The following PTPRH variants were observed in gnomAD, a reference collection of about 807,000 sequenced individuals.
PTPRH encodes the protein protein tyrosine phosphatase receptor type H, also known as receptor-type tyrosine-protein phosphatase H.
In PTPRH, 113 loss-of-function variants were observed where a neutral mutation model predicts 130.2. That is an observed-to-expected ratio of 0.87 (90% CI 0.75 to 1.01). The LOEUF (loss-of-function observed/expected upper bound fraction) is 1.01. Ranked by LOEUF, PTPRH falls within the 50% of genes least tolerant of loss-of-function variation. The pLI is 0.00. For synonymous variants in PTPRH, 556 were observed against 577.9 expected (o/e 0.96, Z 0.54); for missense variants, 1,430 against 1,425.0 (o/e 1.00, Z -0.06).
In PTPRH at chr19:55,188,092, CA is replaced by C; in HGVS notation, c.2460del (p.Phe820LeufsTer44). The C allele has an allele frequency of 6.2e-7, 1 of 1,614,112 alleles. No homozygotes were observed. The highest frequency in any genetic ancestry group is 1.3e-5 in the African/African-American group (1 of 75,046). On this transcript the variant is annotated frameshift_variant, in exon 13 of 20. Transcript: ENST00000376350. ...RKNERDSNCG[F>X]ADEYQQLSLV... ...CCTCTCCCCACCTGGTACTCGTCTG[CA>C]AAACCACAGTTGCTGTCCCTCTCAT...
At chr19:55,196,200 C>T (rs963491476) in intron 10 of PTPRH, among the ~76,000 whole-genome samples, 3 of 151,898 alleles carry the variant, frequency 2.0e-5, no homozygotes, top group South Asian at 2.1e-4. Context: ...CCAGCCTGGC[C>T]GACATGGTGA....
chr19:55,186,185 G>T (rs770280599), intron 16 of PTPRH, 40 bp downstream of exon 16: 7 of 1,592,062 alleles, frequency 4.4e-6, no homozygotes, highest in South Asian at 1.1e-5. Flanking sequence ...TCGGGGCGGG[G>T]TCCTGCACCC....
At chr19:55,188,008 C>T in intron 13 of PTPRH, 70 bp downstream of exon 13, 1 of 1,194,822 alleles carries the variant, frequency 8.4e-7, no homozygotes, top group South Asian at 1.2e-5. Context: ...GAGGTCTGGC[C>T]AGGGGGTGGG....
Position 55,198,691 on chromosome 19 carries a change from C to CG in PTPRH, c.1641dup (p.Glu548ArgfsTer4), listed in dbSNP as rs757621686. 1.3e-5 allele frequency: 21 copies of CG among 1,613,592 alleles called. No individual in the cohort carries two copies. The African/African-American group carries it at 2.7e-4, about 21-fold the overall frequency. The stretch of plus-strand genomic sequence containing the variant: ...TTATAGCCTCTGACCTCATTCCTCT[C>CG]GGCCCAGACGGTGAGGTGGTACAGG... On this transcript the variant is annotated frameshift_variant, in exon 8 of 20. Coordinates refer to ENST00000376350, the MANE Select transcript of PTPRH (RefSeq NM_002842.5). LOFTEE classifies it high-confidence loss of function.
intron 9 of PTPRH, 94 bp from the exon 10 acceptor site, chr19:55,196,882 C>T (rs988793427): frequency 6.9e-7 from 1 of 1,459,470 alleles, no homozygotes; most frequent in African/African-American, 1.4e-5. Context: ...GAGCCCATCC[C>T]TTCCTCGCCA....
intron 14 of PTPRH, among the ~76,000 whole-genome samples, chr19:55,187,217 C>T (rs1032126599): frequency 2.2e-4 from 33 of 149,080 alleles, no homozygotes; most frequent in African/African-American, 7.7e-4. Flanking sequence ...AGGTGGCGGG[C>T]ACCTGTAGTC....
At position 55,196,723 on chromosome 19, in the gene PTPRH, A is replaced by T. The variant is rs777384561; in HGVS notation, c.2056T>A (p.Trp686Arg). 17 of 1,614,176 alleles carry T rather than the reference A, an allele frequency of 1.1e-5. No individual in the cohort carries two copies. The highest frequency in any genetic ancestry group is 1.6e-4 in the Middle Eastern group (1 of 6,062). Residue 686 changes from tryptophan (W) to arginine (R), a missense_variant, in exon 10 of 20, where the codon TGG (tryptophan) becomes AGG (arginine). Trp to Arg is a moderately radical substitution (Grantham distance 101). Coordinates refer to ENST00000376350, the MANE Select transcript of PTPRH (RefSeq NM_002842.5). The stretch of plus-strand genomic sequence containing the variant: ...TCGTAGCCTCCCTGGGGGCAGGACC[A>T]GATCAAGTTGACTCCATAGCCCGCT... ...TSAGYGVNLI[W>R]SCPQGGYEAF...
intron 4 of PTPRH, 59 bp from the exon 5 acceptor site, chr19:55,204,107 G>A (rs904890318): frequency 2.2e-5 from 33 of 1,488,596 alleles, no homozygotes; most frequent in Non-Finnish European, 3.0e-5. Context: ...AACGGGGGCA[G>A]CCAGTGAGCT....
intron 6 of PTPRH, 118 bp from the exon 7 acceptor site, chr19:55,200,620 A>G: frequency 8.8e-7 from 1 of 1,132,440 alleles, no homozygotes; most frequent in Non-Finnish European, 1.3e-6. Flanking sequence ...GTGCCAGCAG[A>G]TGCAGGGTGT....
Position 55,191,546 on chromosome 19 carries a change from T to C in PTPRH, c.2339A>G (p.Asn780Ser), listed in dbSNP as rs1382426299. The change falls in exon 12 of 20, where the codon AAT (asparagine) becomes AGT (serine). Residue 780 changes from asparagine to serine, a missense_variant and splice_region_variant. Asn to Ser is a conservative substitution (Grantham distance 46). Transcript: ENST00000376350. ...GLLIFFLKRR[N>S]KKKQQKPELR... is the part of the protein sequence containing the mutation. ...TTCTGGTTTCTGCTGCTTCTTCTTA[T>C]TCCTGGGAAAAGGACGTTAGGATGA... 2 of 1,614,084 alleles carry C rather than the reference T, an allele frequency of 1.2e-6. No individual in the cohort carries two copies. The highest frequency in any genetic ancestry group is 8.5e-7 in the Non-Finnish European group (1 of 1,180,030).
chr19:55,198,912 A>G lies in PTPRH; in HGVS notation c.1421T>C (p.Val474Ala), dbSNP rs761192829. 3 of 1,507,668 alleles carry G rather than the reference A, an allele frequency of 2.0e-6. No homozygotes were observed. Among genetic ancestry groups the G allele is most frequent in the East Asian group, 2.3e-5 (1 of 43,034 alleles). 93.4% of individuals were successfully genotyped at this position (1,507,668 alleles called of 1,614,324 possible). Residue 474 changes from valine (V) to alanine (A), a missense_variant and splice_region_variant, in exon 8 of 20, where the codon GTC becomes GCC. Physicochemically the swap from Val to Ala is moderately conservative, Grantham distance 64. Transcript: ENST00000376350. ...GCTGAGGCTTGTCACTGCGTTGGGGACTGGGAGAGGGAGCAGAGTCAGGAT... is the reference window on the plus strand; with the variant it reads ...GCTGAGGCTTGTCACTGCGTTGGGGGCTGGGAGAGGGAGCAGAGTCAGGAT... ...GSRQNVSISTVPNAVTSLSKQ... is the reference protein window; with the variant it reads ...GSRQNVSISTAPNAVTSLSKQ...
Position 55,186,552 on chromosome 19 carries a change from G to C in PTPRH, c.2567-12C>G, listed in dbSNP as rs947529729. 1 of 1,340,942 alleles carries C rather than the reference G, an allele frequency of 7.5e-7. No individual in the cohort carries two copies. The highest frequency in any genetic ancestry group is 3.8e-5 in the African/African-American group (1 of 26,588). 83.1% of individuals were successfully genotyped at this position (1,340,942 alleles called of 1,614,324 possible). A position where few individuals can be genotyped will look rare whatever the true frequency, so the allele number is the denominator to read the frequency against. On this transcript the variant is annotated splice_polypyrimidine_tract_variant and intron_variant, in intron 14 of 19. Transcript: ENST00000376350. ...CCGGGACCAGTCATCTAGGAGAAGA[G>C]GCCAGCATTAGCCAGGCAGAGAGAC...
intron 10 of PTPRH, 117 bp from the exon 11 acceptor site, chr19:55,191,858 C>A: frequency 1.1e-6 from 1 of 877,542 alleles, no homozygotes; most frequent in Non-Finnish European, 1.9e-6. Context: ...AGCTGACCCC[C>A]GAACATCACA....
chr19:55,203,078 C>T (rs944454459), intron 5 of PTPRH, among the ~76,000 whole-genome samples: 36 of 151,562 alleles, frequency 2.4e-4, no homozygotes, highest in Non-Finnish European at 4.3e-4. Flanking sequence ...CCTGTAATCC[C>T]AGCACTTTGG....
chr19:55,186,289 C>A lies in PTPRH; in HGVS notation c.2714G>T (p.Arg905Leu). The A allele has an allele frequency of 6.2e-7, 1 of 1,614,058 alleles. No homozygotes were observed. The highest frequency in any genetic ancestry group is 8.5e-7 in the Non-Finnish European group (1 of 1,179,974). The change falls in exon 16 of 20, where the codon CGC (arginine) becomes CTC (leucine). Residue 905 changes from arginine (R) to leucine (L), a missense_variant. Coordinates refer to ENST00000376350, the MANE Select transcript of PTPRH (RefSeq NM_002842.5). Reference sequence around the variant, plus strand: ...GTGGCTCTGCTGTTCCCACACCAGGCGCCAGAAGTCACCCACTGTCTGTGG... The same window carrying A: ...GTGGCTCTGCTGTTCCCACACCAGGAGCCAGAAGTCACCCACTGTCTGTGG... ...PLPQTVGDFW[R>L]LVWEQQSHTL... is the part of the protein sequence containing the mutation.
chr19:55,184,069 G>A (rs925323576), intron 18 of PTPRH, among the ~76,000 whole-genome samples: 1 of 152,100 alleles, frequency 6.6e-6, no homozygotes. Context: ...CGGATCACTT[G>A]AGGTTGGGAG....
intron 8 of PTPRH, 54 bp downstream of exon 8, chr19:55,198,589 C>T (rs1186745091): frequency 1.3e-6 from 2 of 1,490,490 alleles, no homozygotes; most frequent in Non-Finnish European, 1.8e-6. Context: ...GTCCTTTCAT[C>T]TTTTTCCTTC....
At chr19:55,183,239 CAA>C (rs765527438) in intron 18 of PTPRH, among the ~76,000 whole-genome samples, 9 of 121,714 alleles carry the variant, frequency 7.4e-5, no homozygotes, top group Admixed American at 1.7e-4. Flanking sequence ...ACTAAAGTAC[CAA>C]AAAAAAAAAA....
At position 55,186,375 on chromosome 19, in the gene PTPRH, A is replaced by C. The variant is rs781043561; in HGVS notation, c.2644-16T>G. On this transcript the variant is annotated splice_polypyrimidine_tract_variant and intron_variant, in intron 15 of 19. Coordinates refer to ENST00000376350, the MANE Select transcript of PTPRH (RefSeq NM_002842.5). ...TCCAGAGACCCTGGTTGAGGAAGGC[A>C]GGCGGGTCAGGGGGGCCTTTAGTTG... 12 of 1,610,314 alleles carry C rather than the reference A, an allele frequency of 7.5e-6. No individual in the cohort carries two copies. The highest frequency in any genetic ancestry group is 1.7e-4 in the Middle Eastern group (1 of 6,060).
Sources: allele counts gnomAD v4.1 joint callset (sites outside exome capture counted in the v4.1 genomes callset), GRCh38; gene constraint gnomAD v4.1.1; transcripts MANE v1.5; gene names NCBI Gene and HGNC (gene_info 2026-07-23, HGNC 2026-07-21).